The following NIN variants were observed in gnomAD, a reference collection of about 807,000 sequenced individuals.
NIN encodes glycogen synthase kinase 3 beta-interacting protein.
NIN carries 137 observed loss-of-function variants against 257.6 expected under a neutral mutation model. The observed-to-expected ratio is 0.53, with a 90% CI of 0.46 to 0.61. The LOEUF (loss-of-function observed/expected upper bound fraction) is 0.61. Among genes scored for constraint, NIN ranks in the 20% least tolerant of loss-of-function variants. The pLI, the probability that NIN is intolerant of heterozygous loss-of-function variation, is 0.00. For synonymous variants in NIN, 918 were observed against 919.8 expected (o/e 1.00, Z 0.04); for missense variants, 2,439 against 2,501.2 (o/e 0.98, Z 0.53).
intron 24 of NIN, among the ~76,000 whole-genome samples, chr14:50,742,688 C>T (rs1229689549): frequency 6.6e-6 from 1 of 152,154 alleles, no homozygotes; most frequent in Non-Finnish European, 1.5e-5. Context: ...GTCACCGTGC[C>T]TGGCTAAGAC....
intron 5 of NIN, among the ~76,000 whole-genome samples, chr14:50,790,062 C>CA (rs2043521135): frequency 6.6e-6 from 1 of 151,428 alleles, no homozygotes; most frequent in Admixed American, 6.6e-5. Context: ...GAAGCTATTA[C>CA]TTTTTTTTTG....
intron 20 of NIN, 82 bp from the exon 21 acceptor site, chr14:50,752,815 TTG>T (rs1475657067): frequency 4.0e-5 from 30 of 745,498 alleles, no homozygotes; most frequent in Non-Finnish European, 8.6e-6. Flanking sequence ...AGAGACATAA[TTG>T]TCTTTTCCCT....
chr14:50,828,247 A>C (rs1459560551), intron 2 of NIN, among the ~76,000 whole-genome samples: 1 of 152,238 alleles, frequency 6.6e-6, no homozygotes, highest in African/African-American at 2.4e-5. Context: ...GTCTATGAAC[A>C]ATATTTTCCC....
chr14:50,812,837 T>C (rs533638477), intron 3 of NIN, among the ~76,000 whole-genome samples: 91 of 152,342 alleles, frequency 6.0e-4, no homozygotes, highest in African/African-American at 2.2e-3. Flanking sequence ...TCAGAGGCTC[T>C]TCAGAGCCCA....
intron 24 of NIN, among the ~76,000 whole-genome samples, chr14:50,742,904 ATATT>A (rs1330659853): frequency 2.0e-5 from 3 of 152,218 alleles, no homozygotes; most frequent in Non-Finnish European, 2.9e-5. Context: ...TTTGATGGAA[ATATT>A]TAAATTATTT....
At position 50,806,773 on chromosome 14, in the gene NIN, T is replaced by C. The variant is rs138088144; in HGVS notation, c.229A>G (p.Arg77Gly). 40 of 1,589,188 alleles carry C rather than the reference T, an allele frequency of 2.5e-5. No homozygotes were observed. The African/African-American group carries it at 5.4e-4, about 21-fold the overall frequency. Residue 77 changes from arginine to glycine, a missense_variant, in exon 4 of 31, where the codon AGA becomes GGA. Arg to Gly is a moderately radical substitution (Grantham distance 125, BLOSUM62 -2). This residue lies in a region of NIN where 387 missense variants were observed against 427.3 expected (regional missense o/e 0.91). Transcript: ENST00000530997. ...FKEALILILS[R>G]TLSNEEHFQE... ...AAGTGTTCTTCATTTGACAGAGTTC[T>C]GGACAAGATGAGTATTAATGCTTCT...
intron 26 of NIN, among the ~76,000 whole-genome samples, chr14:50,738,834 T>C (rs555873975): frequency 6.6e-6 from 1 of 152,324 alleles, no homozygotes; most frequent in South Asian, 2.1e-4. Flanking sequence ...AGGTTAAATA[T>C]CATTGGGAGA....
At chr14:50,728,619 C>T (rs538283039) in intron 29 of NIN, among the ~76,000 whole-genome samples, 4 of 152,312 alleles carry the variant, frequency 2.6e-5, no homozygotes, top group African/African-American at 9.6e-5. Flanking sequence ...TCTGAACACA[C>T]AAGCGCATGC....
intron 21 of NIN, among the ~76,000 whole-genome samples, chr14:50,748,632 T>C (rs939708148): frequency 3.9e-5 from 6 of 152,160 alleles, no homozygotes; most frequent in African/African-American, 1.4e-4. Flanking sequence ...AGTCTCAGGA[T>C]ACAAAATCAA....
intron 22 of NIN, among the ~76,000 whole-genome samples, chr14:50,745,148 G>A (rs912772781): frequency 3.3e-5 from 5 of 151,978 alleles, no homozygotes; most frequent in Non-Finnish European, 5.9e-5. Context: ...TTTTTTATTC[G>A]TCTTCAATAT....
In NIN at chr14:50,739,331, C is replaced by T. The variant is rs182588734; in HGVS notation, c.5605G>A (p.Glu1869Lys). The T allele has an allele frequency of 8.5e-4, 1,373 of 1,614,084 alleles. 14 individuals are homozygous for T. The highest frequency in any genetic ancestry group is 6.2e-4 in the Admixed American group (37 of 60,004). ...ACCTTCTCCCGGGAGTGCGTGAGTT[C>T]GGCTTTGGTGTTCTGTACCATGGTC... Reference protein sequence around the residue: ...LQTMVQNTKAELTHSREKVRQ... With the variant: ...LQTMVQNTKAKLTHSREKVRQ... Residue 1869 changes from glutamate to lysine, a missense_variant, in exon 26 of 31, where the codon GAA becomes AAA. Physicochemically the swap from Glu to Lys is moderately conservative, Grantham distance 56. This residue lies in a region of NIN where 2,043 missense variants were observed against 2,050.2 expected (regional missense o/e 1.00). Coordinates refer to ENST00000530997, the MANE Select transcript of NIN (RefSeq NM_020921.4).
At position 50,726,408 on chromosome 14, in the gene NIN, C is replaced by G. The variant is rs369910232; in HGVS notation, c.6079-342G>C. 1.5e-3 allele frequency: 328 copies of G among 221,432 alleles called. 7 individuals are homozygous for G. The South Asian group carries it at 0.031, about 21-fold the overall frequency. The allele number at this position is 221,432 out of a possible 1,614,324, so 13.7% of individuals were successfully genotyped here. On this transcript the variant is annotated intron_variant, in intron 29 of 30. Coordinates refer to ENST00000530997, the MANE Select transcript of NIN (RefSeq NM_020921.4). Reference sequence around the variant, plus strand: ...GGTAACTTGGAAGATCGCTATCAACCTCCCATCTGTGATCTGGGTCTCTGC... The same window carrying G: ...GGTAACTTGGAAGATCGCTATCAACGTCCCATCTGTGATCTGGGTCTCTGC...
At chr14:50,777,183 A>G (rs2042956300) in intron 6 of NIN, 44 bp from the exon 7 acceptor site, 1 of 1,441,552 alleles carries the variant, frequency 6.9e-7, no homozygotes, top group Non-Finnish European at 9.4e-7. Context: ...AGGAATTGCA[A>G]AGAGAGAGTG....
intron 4 of NIN, among the ~76,000 whole-genome samples, chr14:50,804,127 C>T (rs571410242): frequency 6.6e-6 from 1 of 152,234 alleles, no homozygotes; most frequent in South Asian, 2.1e-4. Context: ...GATCTCCTGA[C>T]CTCAAGTGAT....
At chr14:50,749,398 T>A (rs1029617406) in intron 21 of NIN, among the ~76,000 whole-genome samples, 6 of 152,176 alleles carry the variant, frequency 3.9e-5, no homozygotes, top group African/African-American at 1.4e-4. Context: ...GACACAGGCA[T>A]GGGCAAGGAC....
intron 2 of NIN, among the ~76,000 whole-genome samples, chr14:50,827,480 G>A (rs1390694673): frequency 2.6e-5 from 4 of 152,066 alleles, no homozygotes; most frequent in Admixed American, 1.3e-4. Flanking sequence ...GGGAGCGGGG[G>A]CTCATGCCTG....
chr14:50,815,284 A>G (rs1161453677), intron 3 of NIN, among the ~76,000 whole-genome samples: 1 of 152,236 alleles, frequency 6.6e-6, no homozygotes, highest in Non-Finnish European at 1.5e-5. Flanking sequence ...AATAAACACG[A>G]AAAAAAGCTC....
Position 50,735,631 on chromosome 14 carries a change from AC to A in NIN, c.5776-15del. The A allele has an allele frequency of 6.2e-7, 1 of 1,603,206 alleles. No individual in the cohort carries two copies. Among genetic ancestry groups the A allele is most frequent in the East Asian group, 2.2e-5 (1 of 44,794 alleles). ...CATCTGACTGACCTGTTTAAAAAAA[AC>A]AAAATATTCCCTTGAAACAGAAACA... On this transcript the variant is annotated splice_polypyrimidine_tract_variant and intron_variant, in intron 27 of 30. Transcript: ENST00000530997.
intron 21 of NIN, among the ~76,000 whole-genome samples, chr14:50,749,553 T>C (rs191073506): frequency 6.6e-6 from 1 of 152,368 alleles, no homozygotes; most frequent in African/African-American, 2.4e-5. Context: ...GTGCATTTTG[T>C]CTACAACTAT....
Sources: allele counts gnomAD v4.1 joint callset (sites outside exome capture counted in the v4.1 genomes callset), GRCh38; gene constraint gnomAD v4.1.1; regional missense constraint gnomAD v4.1.1; transcripts MANE v1.5; gene names NCBI Gene and HGNC (gene_info 2026-07-23, HGNC 2026-07-21).